Variants in GPC5 observed in about 807,000 individuals in gnomAD.
GPC5 encodes the protein glypican 5.
Under a neutral mutation model 53.9 loss-of-function variants are expected in GPC5, and 47 were observed. The ratio of observed to expected loss-of-function variants is 0.87; its 90% confidence interval spans 0.69 to 1.11. The LOEUF is 1.11. Among genes scored for constraint, GPC5 ranks in the 50% most tolerant of loss-of-function variants. The probability of loss-of-function intolerance (pLI) is 0.00; values close to 1 mark genes in which losing one functional copy is unlikely to be tolerated. For missense variants in GPC5, 748 were observed against 713.1 expected, an observed-to-expected ratio of 1.05 and a Z score of -0.56; for synonymous variants, 286 against 263.3, an observed-to-expected ratio of 1.09 and a Z score of -0.84.
chr13:91,410,249 C>A (rs1181567730), intron 1 of GPC5, among the ~76,000 whole-genome samples: 1 of 151,192 alleles, frequency 6.6e-6, no homozygotes, highest in Non-Finnish European at 1.5e-5. Context: ...ATAATTGATT[C>A]TATTACAAAA....
chr13:92,789,936 C>T (rs370262151), intron 7 of GPC5, among the ~76,000 whole-genome samples: 6 of 152,110 alleles, frequency 3.9e-5, no homozygotes, highest in Admixed American at 1.3e-4. Context: ...TGGCCAAAAG[C>T]CTGACAGCCC....
chr13:92,106,757 A>T (rs1205663423), intron 6 of GPC5, among the ~76,000 whole-genome samples: 9 of 152,024 alleles, frequency 5.9e-5, no homozygotes, highest in Admixed American at 5.9e-4. Context: ...CGCTCTATGG[A>T]TACGCCAAAA....
At chr13:92,271,657 TAAAG>T (rs896405649) in intron 7 of GPC5, among the ~76,000 whole-genome samples, 2 of 152,072 alleles carry the variant, frequency 1.3e-5, no homozygotes, top group Non-Finnish European at 2.9e-5. Flanking sequence ...TCCTCTGAGA[TAAAG>T]AAATCCAGGG....
chr13:92,306,850 G>C (rs1239396792), intron 7 of GPC5, among the ~76,000 whole-genome samples: 1 of 152,138 alleles, frequency 6.6e-6, no homozygotes, highest in African/African-American at 2.4e-5. Flanking sequence ...GGCAAATTAC[G>C]TTGCATAGGC....
Position 91,650,750 on chromosome 13 carries a change from G to GTTTTT in GPC5, c.326-42419_326-42415dup, listed in dbSNP as rs67507888. Reference sequence around the variant, plus strand: ...CATCTGTGAAACAAAATTCCCATAAGTTTTTTTTTTTTTTTTTTTTTTAGC... The same window carrying GTTTTT: ...CATCTGTGAAACAAAATTCCCATAAGTTTTTTTTTTTTTTTTTTTTTTTTTTTAGC... On this transcript the variant is annotated intron_variant, in intron 2 of 7. Coordinates refer to ENST00000377067, the MANE Select transcript of GPC5 (RefSeq NM_004466.6). Among the ~76,000 whole-genome samples, 156 of 99,576 alleles carry GTTTTT rather than the reference G, an allele frequency of 1.6e-3. 6 individuals are homozygous for GTTTTT. The highest frequency in any genetic ancestry group is 5.8e-3 in the African/African-American group (143 of 24,650). 65.3% of individuals were successfully genotyped at this position (99,576 alleles called of 152,430 possible).
At chr13:92,645,889 G>A (rs1885752006) in intron 7 of GPC5, among the ~76,000 whole-genome samples, 1 of 151,520 alleles carries the variant, frequency 6.6e-6, no homozygotes, top group Non-Finnish European at 1.5e-5. Context: ...TCTTAATATT[G>A]AGTTGTAAGA....
intron 2 of GPC5, among the ~76,000 whole-genome samples, chr13:91,672,121 G>C (rs1470525933): frequency 6.6e-6 from 1 of 152,072 alleles, no homozygotes; most frequent in African/African-American, 2.4e-5. Context: ...TAAATGTAAA[G>C]CCCAAAACCA....
At chr13:92,358,031 C>T (rs1032047902) in intron 7 of GPC5, among the ~76,000 whole-genome samples, 3 of 151,790 alleles carry the variant, frequency 2.0e-5, no homozygotes, top group East Asian at 3.9e-4. Context: ...TCCAGAGTCT[C>T]ATCTGAAACA....
At chr13:92,260,573 G>A (rs1224970772) in intron 7 of GPC5, among the ~76,000 whole-genome samples, 1 of 152,166 alleles carries the variant, frequency 6.6e-6, no homozygotes, top group East Asian at 1.9e-4. Context: ...CACTGCACCC[G>A]GAACTGAGGC....
chr13:92,824,897 G>A (rs1877792499), intron 7 of GPC5, among the ~76,000 whole-genome samples: 1 of 151,936 alleles, frequency 6.6e-6, no homozygotes, highest in African/African-American at 2.4e-5. Flanking sequence ...TCTAAGACAT[G>A]ACATTTAAAA....
chr13:92,263,674 T>C (rs958177670), intron 7 of GPC5, among the ~76,000 whole-genome samples: 1 of 152,158 alleles, frequency 6.6e-6, no homozygotes, highest in African/African-American at 2.4e-5. Context: ...TTATTCCCAT[T>C]TATAAATGGG....
intron 4 of GPC5, among the ~76,000 whole-genome samples, chr13:91,729,299 C>T (rs2036643798): frequency 1.3e-5 from 2 of 151,966 alleles, no homozygotes; most frequent in African/African-American, 4.8e-5. Flanking sequence ...TTTTGTGTTC[C>T]TTTGCTTGAT....
intron 5 of GPC5, among the ~76,000 whole-genome samples, chr13:91,819,571 A>G (rs1241137939): frequency 2.0e-5 from 3 of 152,172 alleles, no homozygotes; most frequent in African/African-American, 4.8e-5. Flanking sequence ...AAATCCATCT[A>G]TATTATTGCG....
intron 2 of GPC5, among the ~76,000 whole-genome samples, chr13:91,624,742 G>A (rs925811515): frequency 6.6e-6 from 1 of 151,818 alleles, no homozygotes. Context: ...TCAACTATTG[G>A]AAATTAAAAA....
chr13:91,843,237 A>G (rs554670311), intron 5 of GPC5, among the ~76,000 whole-genome samples: 1 of 152,340 alleles, frequency 6.6e-6, no homozygotes, highest in South Asian at 2.1e-4. Context: ...ACAAATATAC[A>G]CACAAAATTA....
At chr13:92,297,213 G>T (rs565853420) in intron 7 of GPC5, among the ~76,000 whole-genome samples, 1 of 152,340 alleles carries the variant, frequency 6.6e-6, no homozygotes, top group East Asian at 1.9e-4. Context: ...TTAGCTCAAG[G>T]TTTGTGAGTG....
At chr13:92,651,353 A>C (rs750795651) in intron 7 of GPC5, among the ~76,000 whole-genome samples, 14 of 152,118 alleles carry the variant, frequency 9.2e-5, no homozygotes, top group Non-Finnish European at 1.8e-4. Context: ...TATGTCATTG[A>C]AATGGTGTGA....
rs532429746 is a variant in GPC5 at position 92,309,429 on chromosome 13, G to A, written c.1561+164440G>A. On this transcript the variant is annotated intron_variant, in intron 7 of 7. Coordinates refer to ENST00000377067, the MANE Select transcript of GPC5 (RefSeq NM_004466.6). ...ATTATTGTGTTATTATAAGACTAGC[G>A]AAATTTGAATGTGTTTACTCATACA... 1.2e-3 allele frequency among the ~76,000 whole-genome samples: 185 copies of A among 152,118 alleles called. 1 individual carries two copies. Among genetic ancestry groups the A allele is most frequent in the African/African-American group, 4.3e-3 (178 of 41,542 alleles).
intron 2 of GPC5, among the ~76,000 whole-genome samples, chr13:91,518,315 C>A (rs570555350): frequency 6.6e-6 from 1 of 152,082 alleles, no homozygotes; most frequent in Non-Finnish European, 1.5e-5. Flanking sequence ...GAACTATGAT[C>A]ACATCATTGC....
Sources: gnomAD v4.1 joint callset for allele counts (sites outside exome capture counted in the v4.1 genomes callset) on GRCh38, gnomAD v4.1.1 for gene constraint, MANE v1.5 for transcripts, NCBI Gene and HGNC (gene_info 2026-07-23, HGNC 2026-07-21) for gene names.